WDR88: variants seen among roughly 807,000 people sequenced by gnomAD.
WDR88 encodes WD repeat-containing protein 88.
Under a neutral mutation model 46.8 loss-of-function variants are expected in WDR88, and 40 were observed. The observed-to-expected ratio is 0.86, with a 90% CI of 0.66 to 1.11. The LOEUF is 1.11. Among genes scored for constraint, WDR88 ranks in the 50% most tolerant of loss-of-function variants. The pLI is 0.00. For synonymous variants in WDR88, 235 were observed against 240.7 expected, an observed-to-expected ratio of 0.98 and a Z score of 0.22; for missense variants, 562 against 602.4, an observed-to-expected ratio of 0.93 and a Z score of 0.70.
Position 33,174,891 on chromosome 19 carries a change from A to G in WDR88, c.1243-505A>G, listed in dbSNP as rs1230034125. The G allele has an allele frequency of 7.1e-6, 7 of 985,282 alleles. No individual in the cohort carries two copies. In the East Asian group the frequency reaches 6.8e-4, roughly 96 times the overall value. 61.0% of individuals were successfully genotyped at this position (985,282 alleles called of 1,614,324 possible). A position where few individuals can be genotyped will look rare whatever the true frequency, so the allele number is the denominator to read the frequency against. ...GGACCTGCTTAGCCATTGGTGGGGA[A>G]GCAGCCTGTGCTCATTCTCTCTGCA... On this transcript the variant is annotated intron_variant, in intron 10 of 10. Coordinates refer to ENST00000355868, the MANE Select transcript of WDR88 (RefSeq NM_173479.4).
At chr19:33,168,335 T>G (rs1333410992) in intron 9 of WDR88, among the ~76,000 whole-genome samples, 1 of 152,182 alleles carries the variant, frequency 6.6e-6, no homozygotes, top group Non-Finnish European at 1.5e-5. Context: ...CCCAAAATTA[T>G]TTCTATTCAT....
intron 1 of WDR88, among the ~76,000 whole-genome samples, chr19:33,135,958 C>T (rs554647865): frequency 2.6e-4 from 39 of 150,754 alleles, no homozygotes; most frequent in African/African-American, 8.8e-4. Flanking sequence ...GGCATGATCT[C>T]AGCTCACTGC....
intron 1 of WDR88, among the ~76,000 whole-genome samples, chr19:33,133,629 A>G (rs1973186150): frequency 6.6e-6 from 1 of 152,198 alleles, no homozygotes; most frequent in South Asian, 2.1e-4. Flanking sequence ...GTTTTTAATA[A>G]TTTCCTCGAA....
At chr19:33,153,749 T>A (rs60649891) in intron 6 of WDR88, among the ~76,000 whole-genome samples, 21,084 of 152,086 alleles carry the variant, frequency 0.14, 3,339 homozygotes, top group African/African-American at 0.39. Context: ...CACCTCGGCC[T>A]CCCAAAGTGC....
intron 8 of WDR88, among the ~76,000 whole-genome samples, chr19:33,163,474 C>T (rs1040543523): frequency 6.6e-6 from 1 of 151,740 alleles, no homozygotes; most frequent in South Asian, 2.1e-4. Flanking sequence ...CCAGCCTGGG[C>T]GACAAGAGCA....
chr19:33,164,128 C>A (rs1973915630), intron 8 of WDR88, 69 bp from the exon 9 acceptor site: 7 of 1,486,682 alleles, frequency 4.7e-6, no homozygotes, highest in African/African-American at 1.4e-5. Context: ...CCACTACACC[C>A]AGCTTGTTTT....
Position 33,175,580 on chromosome 19 carries a change from A to G in WDR88, c.*8A>G. 2 of 1,614,026 alleles carry G rather than the reference A, an allele frequency of 1.2e-6. No homozygotes were observed. Among genetic ancestry groups the G allele is most frequent in the Non-Finnish European group, 1.7e-6 (2 of 1,179,952 alleles). On this transcript the variant is annotated 3_prime_UTR_variant, in exon 11 of 11. Transcript: ENST00000355868. ...GGAAGCAAGGATGACTGACAGCCAC[A>G]GGCCCCTTTGAGTGACTCCAGCACA...
intron 8 of WDR88, among the ~76,000 whole-genome samples, chr19:33,161,890 G>A (rs1272929452): frequency 6.6e-6 from 1 of 152,154 alleles, no homozygotes; most frequent in African/African-American, 2.4e-5. Context: ...TCTAGAGCCT[G>A]GGAGGCAGAG....
chr19:33,164,089 C>G, intron 8 of WDR88, 108 bp from the exon 9 acceptor site: 1 of 1,024,546 alleles, frequency 9.8e-7, no homozygotes, highest in Non-Finnish European at 1.5e-6. Flanking sequence ...CCCGACTCGG[C>G]TTCCCAAAAG....
intron 7 of WDR88, among the ~76,000 whole-genome samples, chr19:33,158,209 T>C (rs73571938): frequency 0.021 from 3,155 of 152,200 alleles, 109 homozygotes; most frequent in African/African-American, 0.072. Context: ...GGGCCTCAGC[T>C]GGCACACATG....
chr19:33,148,633 T>A (rs113578064), intron 4 of WDR88, 139 bp from the exon 5 acceptor site: 1 of 1,015,890 alleles, frequency 9.8e-7, no homozygotes, highest in Non-Finnish European at 1.5e-6. Context: ...GAGATGGAGA[T>A]CTTGCATGTT....
At chr19:33,146,899 A>G (rs545072913) in intron 3 of WDR88, among the ~76,000 whole-genome samples, 5 of 152,196 alleles carry the variant, frequency 3.3e-5, no homozygotes, top group African/African-American at 1.2e-4. Context: ...TGTGTTAATT[A>G]TAATCTTGGT....
At chr19:33,151,885 A>G (rs1336093421) in intron 6 of WDR88, among the ~76,000 whole-genome samples, 1 of 152,022 alleles carries the variant, frequency 6.6e-6, no homozygotes, top group Non-Finnish European at 1.5e-5. Context: ...GTCTAAAAAA[A>G]ATAAATAAAT....
At position 33,171,535 on chromosome 19, in the gene WDR88, TAA is replaced by T. The variant is rs528025101; in HGVS notation, c.1150-812_1150-811del. 2.4e-4 allele frequency among the ~76,000 whole-genome samples: 37 copies of T among 152,284 alleles called. No homozygotes were observed. In the South Asian group the frequency reaches 7.2e-3, roughly 30 times the overall value. On this transcript the variant is annotated intron_variant, in intron 9 of 10. Coordinates refer to ENST00000355868, the MANE Select transcript of WDR88 (RefSeq NM_173479.4). ...ATCCATTTTTTTATTGCTGCTATAA[TAA>T]GTTACCAGACTGTACTGTTTAAACA...
intron 10 of WDR88, 90 bp from the exon 11 acceptor site, chr19:33,175,306 G>A: frequency 2.2e-6 from 3 of 1,374,798 alleles, no homozygotes; most frequent in Non-Finnish European, 2.0e-6. Flanking sequence ...CCTTGCCCCA[G>A]CTCAAGGTAG....
intron 5 of WDR88, among the ~76,000 whole-genome samples, chr19:33,150,308 C>T (rs535389219): frequency 5.9e-5 from 9 of 151,784 alleles, no homozygotes; most frequent in South Asian, 4.2e-4. Context: ...AAAAATTAGC[C>T]GGGCGTGGTG....
rs1267765194 is a variant in WDR88 at position 33,171,785 on chromosome 19, T to C, written c.1150-563T>C. Among the ~76,000 whole-genome samples, 3 of 152,128 alleles carry C rather than the reference T, an allele frequency of 2.0e-5. No homozygotes were observed. The East Asian group carries it at 5.8e-4, about 29-fold the overall frequency. ...GTGTCATATAGTTTTGTTTGTTTGT[T>C]TGTTTTGAGACAGAGTCTCACTCTG... On this transcript the variant is annotated intron_variant, in intron 9 of 10. Coordinates refer to ENST00000355868, the MANE Select transcript of WDR88 (RefSeq NM_173479.4).
chr19:33,145,738 T>G (rs773998655), intron 3 of WDR88, among the ~76,000 whole-genome samples: 14 of 151,966 alleles, frequency 9.2e-5, no homozygotes, highest in Non-Finnish European at 1.5e-4. Flanking sequence ...TTCACCATGT[T>G]GGCCAGGCTG....
intron 9 of WDR88, among the ~76,000 whole-genome samples, chr19:33,170,022 C>A (rs1332623066): frequency 6.7e-6 from 1 of 149,974 alleles, no homozygotes; most frequent in Non-Finnish European, 1.5e-5. Context: ...GGATTACAGG[C>A]ATGCACCACC....
Sources: gnomAD v4.1 joint callset for allele counts (sites outside exome capture counted in the v4.1 genomes callset) on GRCh38, gnomAD v4.1.1 for gene constraint, MANE v1.5 for transcripts, NCBI Gene and HGNC (gene_info 2026-07-23, HGNC 2026-07-21) for gene names.